The following GCNT4 variants were observed in gnomAD, a reference collection of about 807,000 sequenced individuals.
GCNT4 encodes the protein beta-1,3-galactosyl-O-glycosyl-glycoprotein beta-1,6-N-acetylglucosaminyltransferase 4.
Under a neutral mutation model 31.3 loss-of-function variants are expected in GCNT4, and 17 were observed. The ratio of observed to expected loss-of-function variants is 0.54; its 90% CI spans 0.37 to 0.81. The LOEUF (loss-of-function observed/expected upper bound fraction) is 0.81, where lower values mean the gene tolerates loss of function less well. Ranked by LOEUF, GCNT4 falls within the 40% of genes least tolerant of loss-of-function variation. The probability of loss-of-function intolerance (pLI) is 0.00; values close to 1 mark genes in which losing one functional copy is unlikely to be tolerated. For missense variants in GCNT4, 503 were observed against 525.5 expected (o/e 0.96, Z 0.42); for synonymous variants, 158 against 190.6 (o/e 0.83, Z 1.41).
At chr5:75,042,656 C>T (rs1343792370) in intron 3 of GCNT4, among the ~76,000 whole-genome samples, 2 of 152,192 alleles carry the variant, frequency 1.3e-5, no homozygotes, top group Non-Finnish European at 2.9e-5. Context: ...AGTTTAAAAT[C>T]ATCACCCTGA....
At chr5:75,032,706 C>T (rs912215948) in intron 3 of GCNT4, among the ~76,000 whole-genome samples, 2 of 152,166 alleles carry the variant, frequency 1.3e-5, no homozygotes, top group Non-Finnish European at 2.9e-5. Context: ...GGTCCCATCA[C>T]TCAGGCTCAA....
chr5:75,050,662 T>G (rs1743548742), intron 2 of GCNT4, among the ~76,000 whole-genome samples: 1 of 151,898 alleles, frequency 6.6e-6, no homozygotes, highest in South Asian at 2.1e-4. Flanking sequence ...CCTCCAATGT[T>G]CCCTGTTTCC....
chr5:75,032,168 G>A (rs528572039), intron 3 of GCNT4, among the ~76,000 whole-genome samples: 10 of 152,138 alleles, frequency 6.6e-5, no homozygotes, highest in Non-Finnish European at 1.3e-4. Flanking sequence ...GCCACATCTC[G>A]TCTCTCCTCT....
At chr5:75,037,902 A>G (rs1348199361) in intron 3 of GCNT4, among the ~76,000 whole-genome samples, 1 of 151,504 alleles carries the variant, frequency 6.6e-6, no homozygotes, top group Admixed American at 6.6e-5. Context: ...ACAAAAAACA[A>G]AAAAAACAAA....
Position 75,029,175 on chromosome 5 carries a change from G to A in GCNT4, c.863C>T (p.Ser288Phe), listed in dbSNP as rs779997611. Residue 288 changes from serine (S) to phenylalanine (F), a missense_variant, in exon 4 of 4, where the codon TCC becomes TTC. Coordinates refer to ENST00000652361, the MANE Select transcript of GCNT4 (RefSeq NM_001366737.1). ...YVKLPIRTNI[S>F]KEAPPHNIQI... ...AATGTTATGGGGGGGTGCTTCCTTG[G>A]AGATGTTTGTCCTTATTGGTAGCTT... 6.2e-7 allele frequency: 1 copy of A among 1,613,876 alleles called. No homozygotes were observed. The highest frequency in any genetic ancestry group is 8.5e-7 in the Non-Finnish European group (1 of 1,180,010).
chr5:75,051,860 A>G (rs1743578424), intron 2 of GCNT4, among the ~76,000 whole-genome samples: 1 of 152,206 alleles, frequency 6.6e-6, no homozygotes, highest in South Asian at 2.1e-4. Flanking sequence ...GTCTCCCCAT[A>G]GAAAATTCAG....
Position 75,029,456 on chromosome 5 carries a change from A to G in GCNT4, c.582T>C (p.Ala194=), listed in dbSNP as rs1453310853. 6.2e-6 allele frequency: 10 copies of G among 1,614,040 alleles called. No homozygotes were observed. Among genetic ancestry groups the G allele is most frequent in the African/African-American group, 1.3e-5 (1 of 74,952 alleles). ...GTCTGGAAATGTGGGCATATTCCAC[A>G]GCCTCTAATTTGGAAGCAATGAAAA... is the stretch of plus-strand genomic sequence containing the variant. ...SNIFIASKLE[A]VEYAHISRLQ... is the part of the protein sequence containing the mutation. Residue 194 remains alanine (A), a synonymous_variant, in exon 4 of 4, where the codon GCT becomes GCC. Transcript: ENST00000652361.
rs1290442252 is a variant in GCNT4, at chr5:75,027,435, A to C, written c.*1241T>G. The C allele has an allele frequency of 7.1e-6, 1 of 141,536 alleles. No homozygotes were observed. Among genetic ancestry groups the C allele is most frequent in the Non-Finnish European group, 1.5e-5 (1 of 65,466 alleles). The allele number at this position is 141,536 out of a possible 1,614,324, so 8.8% of individuals were successfully genotyped here. ...ATAAATATATATTACATATATATAA[A>C]ATATATATTATATATATATATTTTT... On this transcript the variant is annotated 3_prime_UTR_variant, in exon 4 of 4. Transcript: ENST00000652361.
At chr5:75,045,580 C>T (rs938083050) in intron 3 of GCNT4, among the ~76,000 whole-genome samples, 2 of 152,212 alleles carry the variant, frequency 1.3e-5, no homozygotes, top group Admixed American at 6.5e-5. Flanking sequence ...GCGAATAATT[C>T]TGCTATGAAC....
In GCNT4 at chr5:75,028,857, C is replaced by G; in HGVS notation, c.1181G>C (p.Gly394Ala). 1 of 1,614,076 alleles carries G rather than the reference C, an allele frequency of 6.2e-7. No individual in the cohort carries two copies. Among genetic ancestry groups the G allele is most frequent in the Non-Finnish European group, 8.5e-7 (1 of 1,180,010 alleles). Reference protein sequence around the residue: ...GSHLRSVCIYGAAELRWLIKD... With the variant: ...GSHLRSVCIYAAAELRWLIKD... ...GATAAGCCACCTTAATTCTGCAGCT[C>G]CATAAATACACACGCTTCGAAGGTG... The change falls in exon 4 of 4, where the codon GGA (glycine) becomes GCA (alanine). Residue 394 changes from glycine to alanine, a missense_variant. Physicochemically the swap from Gly to Ala is moderately conservative, Grantham distance 60 (BLOSUM62 0). Transcript: ENST00000652361.
chr5:75,047,814 T>A (rs1467498392), intron 3 of GCNT4, 83 bp downstream of exon 3: 1 of 152,056 alleles, frequency 6.6e-6, no homozygotes, highest in East Asian at 1.9e-4. Context: ...CAGAGAGAAA[T>A]TACAAGGCAC....
intron 3 of GCNT4, among the ~76,000 whole-genome samples, chr5:75,034,116 T>C (rs1743145231): frequency 6.6e-6 from 1 of 152,202 alleles, no homozygotes; most frequent in Non-Finnish European, 1.5e-5. Context: ...GGAGTTTCTG[T>C]CAAATCCTAA....
Position 75,028,391 on chromosome 5 carries a change from C to G in GCNT4, c.*285G>C. The G allele has an allele frequency of 2.8e-6, 1 of 354,352 alleles. No homozygotes were observed. The highest frequency in any genetic ancestry group is 5.8e-5 in the South Asian group (1 of 17,386). The allele number at this position is 354,352 out of a possible 1,614,324, so 22.0% of individuals were successfully genotyped here. A position where few individuals can be genotyped will look rare whatever the true frequency, so the allele number is the denominator to read the frequency against. The stretch of plus-strand genomic sequence containing the variant: ...TAAGCCGCAGTCTCTAAAAAAGTGC[C>G]TGTCATATAGTTAGGTGCTCAATAA... On this transcript the variant is annotated 3_prime_UTR_variant, in exon 4 of 4. Coordinates refer to ENST00000652361, the MANE Select transcript of GCNT4 (RefSeq NM_001366737.1).
In GCNT4 at chr5:75,027,300, A is replaced by G. The variant is rs1410915707; in HGVS notation, c.*1376T>C. ...TGTTATATAATATATATTTATATAT[A>G]TATAATTATATGTATATATAATATA... On this transcript the variant is annotated 3_prime_UTR_variant, in exon 4 of 4. Coordinates refer to ENST00000652361, the MANE Select transcript of GCNT4 (RefSeq NM_001366737.1). The G allele has an allele frequency of 1.0e-5, 1 of 100,154 alleles. No individual in the cohort carries two copies. The highest frequency in any genetic ancestry group is 1.8e-5 in the Non-Finnish European group (1 of 56,336). The allele number at this position is 100,154 out of a possible 1,614,324, so 6.2% of individuals were successfully genotyped here. A position where few individuals can be genotyped will look rare whatever the true frequency, so the allele number is the denominator to read the frequency against.
chr5:75,052,261 A>T (rs1285565288), intron 1 of GCNT4, 34 bp from the exon 2 acceptor site: 1 of 149,880 alleles, frequency 6.7e-6, no homozygotes, highest in Non-Finnish European at 1.5e-5. Context: ...AAAAAAAAAA[A>T]GAAAAAGAAA....
chr5:75,032,346 G>A (rs773345450), intron 3 of GCNT4, among the ~76,000 whole-genome samples: 7 of 152,152 alleles, frequency 4.6e-5, no homozygotes, highest in Non-Finnish European at 1.0e-4. Context: ...GTTGCTGGAT[G>A]GACATTGCTT....
chr5:75,021,079 T>C (rs1457195019), downstream of GCNT4, among the ~76,000 whole-genome samples: 1 of 152,168 alleles, frequency 6.6e-6, no homozygotes, highest in African/African-American at 2.4e-5. Flanking sequence ...AGAGATTGAA[T>C]TGGGCTGTGT....
chr5:75,034,371 G>A (rs936270961), intron 3 of GCNT4, among the ~76,000 whole-genome samples: 3 of 152,224 alleles, frequency 2.0e-5, no homozygotes, highest in South Asian at 2.1e-4. Flanking sequence ...TAGAGGCCCC[G>A]GGCCTGGAGG....
chr5:75,019,871 C>A, the GCNT4 span, among the ~76,000 whole-genome samples: 2 of 152,126 alleles, frequency 1.3e-5, no homozygotes, highest in South Asian at 4.1e-4. Flanking sequence ...AAGTTATTTT[C>A]ACTAAATTAA....
Sources: allele counts gnomAD v4.1 joint callset (sites outside exome capture counted in the v4.1 genomes callset), GRCh38; gene constraint gnomAD v4.1.1; transcripts MANE v1.5; gene names NCBI Gene and HGNC (gene_info 2026-07-23, HGNC 2026-07-21).